The following WDR59 variants were observed in gnomAD, a reference collection of about 807,000 sequenced individuals.
The protein encoded by WDR59 is GATOR2 complex protein WDR59.
In WDR59, 100 loss-of-function variants were observed where a neutral mutation model predicts 131.2. That is an observed-to-expected ratio of 0.76 (90% confidence interval 0.65 to 0.90). The LOEUF is 0.90. Ranked by LOEUF, WDR59 falls within the 40% of genes least tolerant of loss-of-function variation. The pLI is 0.00. For synonymous variants in WDR59, 601 were observed against 466.2 expected (o/e 1.29, Z -3.72); for missense variants, 1,203 against 1,262.2 (o/e 0.95, Z 0.71).
chr16:74,900,856 C>T (rs1965515813), intron 18 of WDR59, among the ~76,000 whole-genome samples: 2 of 152,200 alleles, frequency 1.3e-5, no homozygotes, highest in African/African-American at 2.4e-5. Flanking sequence ...CAGTGGCTCA[C>T]GCCTGTAATC....
intron 25 of WDR59, among the ~76,000 whole-genome samples, chr16:74,874,804 T>A (rs1208663543): frequency 1.3e-5 from 2 of 152,214 alleles, no homozygotes; most frequent in Non-Finnish European, 2.9e-5. Context: ...TTGGCCAGGC[T>A]GGTCTCGAAC....
intron 1 of WDR59, among the ~76,000 whole-genome samples, chr16:74,981,633 TATATATATATA>T (rs2034414958): frequency 4.6e-4 from 8 of 17,564 alleles, no homozygotes; most frequent in African/African-American, 1.6e-3. Context: ...TATATATATA[TATATATATATA>T]TATATATATA....
chr16:74,977,459 C>G (rs928630728), intron 1 of WDR59, among the ~76,000 whole-genome samples: 1 of 151,362 alleles, frequency 6.6e-6, no homozygotes, highest in African/African-American at 2.4e-5. Context: ...GAGGCCGAGG[C>G]GGGCAGATCA....
chr16:74,912,288 G>C lies in WDR59; in HGVS notation c.1299C>G (p.Phe433Leu), dbSNP rs146814017. ...CGGCGTTGTTTGGGTACTGTGCAGG[G>C]AACTTCACCAGCATCTTGACACGAT... is the stretch of plus-strand genomic sequence containing the variant. Reference protein sequence around the residue: ...SNHRVKMLVKFPAQYPNNAAP... With the variant: ...SNHRVKMLVKLPAQYPNNAAP... Residue 433 changes from phenylalanine to leucine, a missense_variant, in exon 14 of 26, where the codon TTC (phenylalanine) becomes TTG (leucine). Transcript: ENST00000262144. The C allele has an allele frequency of 2.2e-5, 36 of 1,614,056 alleles. No homozygotes were observed. Among genetic ancestry groups the C allele is most frequent in the Non-Finnish European group, 3.0e-5 (35 of 1,180,056 alleles).
At chr16:74,912,598 C>T (rs753135511) in intron 13 of WDR59, among the ~76,000 whole-genome samples, 7 of 152,138 alleles carry the variant, frequency 4.6e-5, no homozygotes, top group Non-Finnish European at 1.0e-4. Flanking sequence ...CCAGCTCGGT[C>T]GGGGTGACCC....
chr16:74,964,028 AAAAAAAAG>A (rs1351135518), intron 2 of WDR59, among the ~76,000 whole-genome samples: 1 of 151,876 alleles, frequency 6.6e-6, no homozygotes, highest in Non-Finnish European at 1.5e-5. Context: ...CCTCATCTCT[AAAAAAAAG>A]AAAAAAAGAA....
chr16:74,905,601 C>T (rs1225440230), intron 17 of WDR59, among the ~76,000 whole-genome samples: 1 of 150,204 alleles, frequency 6.7e-6, no homozygotes, highest in African/African-American at 2.5e-5. Context: ...AGAATGGCAT[C>T]AACCTGAGAG....
At chr16:74,923,504 G>A (rs1228237266) in intron 9 of WDR59, among the ~76,000 whole-genome samples, 2 of 152,030 alleles carry the variant, frequency 1.3e-5, no homozygotes, top group East Asian at 3.9e-4. Context: ...TGGAGATGGA[G>A]TCTCGCTCTG....
chr16:74,975,315 C>A (rs1372882926), intron 1 of WDR59, among the ~76,000 whole-genome samples: 1 of 151,990 alleles, frequency 6.6e-6, no homozygotes, highest in Middle Eastern at 3.2e-3. Context: ...GAGCCTATAT[C>A]GCGCCACTGC....
intron 17 of WDR59, 199 bp from the exon 18 acceptor site, chr16:74,904,299 T>C: frequency 1.7e-6 from 1 of 587,398 alleles, no homozygotes; most frequent in Non-Finnish European, 2.9e-6. Context: ...ATTACAGACA[T>C]AAAAAATTCA....
In WDR59 at chr16:74,874,216, G is replaced by C. The variant is rs1964091603; in HGVS notation, c.2918C>G (p.Thr973Ser). ...GCGCHCLLES[T>S]F Reference sequence around the variant, plus strand: ...TACCCAACTTCTGTAGGTTCAGAAAGTGCTTTCAAGCAGGCAGTGGCACCC... The same window carrying C: ...TACCCAACTTCTGTAGGTTCAGAAACTGCTTTCAAGCAGGCAGTGGCACCC... Residue 973 changes from threonine to serine, a missense_variant, in exon 26 of 26, where the codon ACT becomes AGT. Coordinates refer to ENST00000262144, the MANE Select transcript of WDR59 (RefSeq NM_030581.4). 6.2e-7 allele frequency: 1 copy of C among 1,613,650 alleles called. No homozygotes were observed. Among genetic ancestry groups the C allele is most frequent in the African/African-American group, 1.3e-5 (1 of 75,048 alleles).
At chr16:74,963,277 G>C (rs1461666750) in intron 2 of WDR59, 1 of 151,900 alleles carries the variant, frequency 6.6e-6, no homozygotes, top group East Asian at 1.9e-4. Flanking sequence ...TAAAAATAAA[G>C]ATACATGCAC....
intron 8 of WDR59, among the ~76,000 whole-genome samples, chr16:74,933,166 T>A (rs1446631731): frequency 6.6e-6 from 1 of 152,132 alleles, no homozygotes; most frequent in Non-Finnish European, 1.5e-5. Context: ...TTTGACATGG[T>A]GGCATACACC....
chr16:74,984,697 C>G, intron 1 of WDR59: 3 of 513,578 alleles, frequency 5.8e-6, no homozygotes, highest in Non-Finnish European at 1.1e-5. Flanking sequence ...ACTCACGATG[C>G]GCAGTCTCTG....
chr16:74,923,835 C>A, intron 9 of WDR59, 91 bp downstream of exon 9: 2 of 1,185,322 alleles, frequency 1.7e-6, no homozygotes, highest in Non-Finnish European at 2.4e-6. Context: ...AATCACCTCA[C>A]AAAGAAAATA....
intron 1 of WDR59, among the ~76,000 whole-genome samples, chr16:74,974,306 C>G (rs2034100781): frequency 1.3e-5 from 2 of 152,166 alleles, no homozygotes; most frequent in African/African-American, 4.8e-5. Context: ...CACTCCTCAC[C>G]TGCAAAATGA....
At position 74,904,083 on chromosome 16, in the gene WDR59, G is replaced by C; in HGVS notation, c.1730C>G (p.Ser577Cys). ...EPTPRSLSAL[S>C]AYHTGLIAPM... ...CGCGATCAAGCCAGTGTGATAAGCA[G>C]ACAAGGCTGAGAGAGATCTGTAGTT... The change falls in exon 18 of 26, where the codon TCT becomes TGT. Residue 577 changes from serine (S) to cysteine (C), a missense_variant. Ser to Cys is a moderately radical substitution (Grantham distance 112). Coordinates refer to ENST00000262144, the MANE Select transcript of WDR59 (RefSeq NM_030581.4). The C allele has an allele frequency of 6.2e-7, 1 of 1,613,454 alleles. No homozygotes were observed. The highest frequency in any genetic ancestry group is 8.5e-7 in the Non-Finnish European group (1 of 1,179,840).
At chr16:74,914,835 G>A (rs891845536) in intron 13 of WDR59, among the ~76,000 whole-genome samples, 10 of 152,002 alleles carry the variant, frequency 6.6e-5, no homozygotes, top group African/African-American at 1.9e-4. Flanking sequence ...CTTGTGATCC[G>A]TCTACCTTGG....
At position 74,956,581 on chromosome 16, in the gene WDR59, T is replaced by A. The variant is rs370770931; in HGVS notation, c.134A>T (p.Asp45Val). ...CTTTCGGTGACCTTCGAAAGGGGCATCTAGATTGACGATGTATAAGAATCT... is the reference window on the plus strand; with the variant it reads ...CTTTCGGTGACCTTCGAAAGGGGCAACTAGATTGACGATGTATAAGAATCT... ...GRRFLYIVNL[D>V]APFEGHRKIS... is the part of the protein sequence containing the mutation. Residue 45 changes from aspartate (D) to valine (V), a missense_variant, in exon 3 of 26, where the codon GAT becomes GTT. Coordinates refer to ENST00000262144, the MANE Select transcript of WDR59 (RefSeq NM_030581.4). 9.3e-6 allele frequency: 15 copies of A among 1,614,026 alleles called. No homozygotes were observed. Among genetic ancestry groups the A allele is most frequent in the African/African-American group, 1.3e-5 (1 of 74,916 alleles).
Sources: allele counts gnomAD v4.1 joint callset (sites outside exome capture counted in the v4.1 genomes callset), GRCh38; gene constraint gnomAD v4.1.1; transcripts MANE v1.5; gene names NCBI Gene and HGNC (gene_info 2026-07-23, HGNC 2026-07-21).